Variants in MACROD2 observed in about 807,000 individuals in gnomAD.
MACROD2 encodes the protein mono-ADP ribosylhydrolase 2.
In MACROD2, 36 loss-of-function variants were observed where a neutral mutation model predicts 70.4. The ratio of observed to expected loss-of-function variants is 0.51; its 90% CI spans 0.39 to 0.68. The LOEUF (loss-of-function observed/expected upper bound fraction) is 0.68, where lower values mean the gene tolerates loss of function less well. Ranked by LOEUF, MACROD2 falls within the 30% of genes least tolerant of loss-of-function variation. The pLI, the probability that MACROD2 is intolerant of heterozygous loss-of-function variation, is 0.00. For missense variants in MACROD2, 496 were observed against 538.4 expected (o/e 0.92, Z 0.78); for synonymous variants, 172 against 178.8 (o/e 0.96, Z 0.30).
chr20:15,209,031 G>T (rs1366655994), intron 5 of MACROD2, among the ~76,000 whole-genome samples: 1 of 152,104 alleles, frequency 6.6e-6, no homozygotes, highest in African/African-American at 2.4e-5. Context: ...TGTCTGTGCT[G>T]TATGGTTGGA....
intron 5 of MACROD2, among the ~76,000 whole-genome samples, chr20:15,056,271 T>C (rs2075484911): frequency 6.6e-6 from 1 of 152,186 alleles, no homozygotes; most frequent in Admixed American, 6.5e-5. Flanking sequence ...AACCCAAAGA[T>C]AACTTCGCCT....
rs895583940 is a variant in MACROD2 at position 14,684,934 on chromosome 20, A to G, written c.393A>G (p.Thr131=). 6 of 1,613,954 alleles carry G rather than the reference A, an allele frequency of 3.7e-6. No individual in the cohort carries two copies. Among genetic ancestry groups the G allele is most frequent in the Non-Finnish European group, 4.2e-6 (5 of 1,179,870 alleles). ...NGCDTGHAKI[T]CGYDLPAKYV... ...GTGATACTGGACATGCAAAAATCAC[A>G]TGTGGCTATGACCTTCCTGCAAAAT... The change falls in exon 5 of 18, where the codon ACA becomes ACG. Residue 131 remains threonine, a synonymous_variant. Transcript: ENST00000684519.
intron 5 of MACROD2, among the ~76,000 whole-genome samples, chr20:14,856,991 GAA>G (rs1192298051): frequency 2.6e-5 from 4 of 151,936 alleles, no homozygotes; most frequent in African/African-American, 9.7e-5. Flanking sequence ...AATTACATAA[GAA>G]TATTAAATTT....
At chr20:15,099,468 G>T (rs114328860) in intron 5 of MACROD2, among the ~76,000 whole-genome samples, 1 of 152,288 alleles carries the variant, frequency 6.6e-6, no homozygotes, top group African/African-American at 2.4e-5. Context: ...AAGTCAGGAA[G>T]ACAGTCCTTG....
intron 5 of MACROD2, among the ~76,000 whole-genome samples, chr20:14,842,083 G>T (rs1323198715): frequency 1.3e-5 from 2 of 152,030 alleles, no homozygotes; most frequent in Non-Finnish European, 2.9e-5. Context: ...AAATTAAAGG[G>T]CTGCATCTGG....
chr20:14,985,845 G>A (rs867991640), intron 5 of MACROD2, among the ~76,000 whole-genome samples: 7 of 152,068 alleles, frequency 4.6e-5, no homozygotes, highest in African/African-American at 1.7e-4. Flanking sequence ...CACTAGGTTG[G>A]CCAGAATGGT....
intron 5 of MACROD2, among the ~76,000 whole-genome samples, chr20:14,816,645 T>G (rs930558608): frequency 4.6e-5 from 7 of 152,046 alleles, no homozygotes; most frequent in African/African-American, 1.2e-4. Flanking sequence ...AAGGACACAT[T>G]TAAGTGTTCC....
intron 7 of MACROD2, among the ~76,000 whole-genome samples, chr20:15,454,806 C>T (rs755623197): frequency 1.7e-5 from 1 of 58,626 alleles, no homozygotes; most frequent in Non-Finnish European, 3.6e-5. Flanking sequence ...GATGTCTCTG[C>T]GAAAGTGGGC....
intron 8 of MACROD2, among the ~76,000 whole-genome samples, chr20:15,583,943 G>A (rs180689893): frequency 1.8e-4 from 28 of 152,384 alleles, no homozygotes. Context: ...CCGGCCTGCT[G>A]TGGGTATTTT....
chr20:14,484,266 A>C (rs73094602), intron 3 of MACROD2, among the ~76,000 whole-genome samples: 1 of 152,212 alleles, frequency 6.6e-6, no homozygotes, highest in Non-Finnish European at 1.5e-5. Context: ...TTTTACCCAT[A>C]ATACTTTGGA....
chr20:15,301,677 C>A (rs2146127678), intron 6 of MACROD2, among the ~76,000 whole-genome samples: 1 of 143,360 alleles, frequency 7.0e-6, no homozygotes, highest in East Asian at 2.0e-4. Flanking sequence ...AGCAATCCTC[C>A]TGCCTCAGCC....
intron 3 of MACROD2, among the ~76,000 whole-genome samples, chr20:14,391,111 C>G (rs150213380): frequency 6.6e-6 from 1 of 152,290 alleles, no homozygotes; most frequent in East Asian, 1.9e-4. Flanking sequence ...AGCTAGCAAT[C>G]TCATTACTGG....
At chr20:14,004,107 A>G (rs2052777369) in intron 2 of MACROD2, among the ~76,000 whole-genome samples, 1 of 152,234 alleles carries the variant, frequency 6.6e-6, no homozygotes, top group Non-Finnish European at 1.5e-5. Flanking sequence ...CCTAATCCAA[A>G]ATCCAAAATG....
chr20:14,676,207 A>T (rs1217544209), intron 4 of MACROD2, among the ~76,000 whole-genome samples: 1 of 152,184 alleles, frequency 6.6e-6, no homozygotes, highest in Non-Finnish European at 1.5e-5. Context: ...CCTAATAGAC[A>T]TCTACAGAAC....
chr20:15,219,729 T>TA (rs2076841720), intron 5 of MACROD2, among the ~76,000 whole-genome samples: 1 of 152,102 alleles, frequency 6.6e-6, no homozygotes, highest in South Asian at 2.1e-4. Flanking sequence ...TCCGCTTTAT[T>TA]TTGGTGGAGA....
At chr20:14,092,431 C>G (rs2054163222) in intron 3 of MACROD2, among the ~76,000 whole-genome samples, 1 of 152,086 alleles carries the variant, frequency 6.6e-6, no homozygotes, top group South Asian at 2.1e-4. Context: ...CTGAAATATA[C>G]TACAGCCCAC....
At chr20:15,963,689 C>T (rs1490241433) in intron 12 of MACROD2, among the ~76,000 whole-genome samples, 1 of 152,182 alleles carries the variant, frequency 6.6e-6, no homozygotes, top group Non-Finnish European at 1.5e-5. Flanking sequence ...TAAATCCATA[C>T]ATGTAATATT....
intron 3 of MACROD2, among the ~76,000 whole-genome samples, chr20:14,220,438 C>A (rs1333850592): frequency 2.0e-5 from 3 of 152,176 alleles, no homozygotes; most frequent in Non-Finnish European, 4.4e-5. Context: ...GGCTTGAAAA[C>A]CTGCCCCAGG....
chr20:15,764,578 A>G (rs775037218), intron 8 of MACROD2, among the ~76,000 whole-genome samples: 16 of 151,966 alleles, frequency 1.1e-4, no homozygotes, highest in Non-Finnish European at 2.1e-4. Flanking sequence ...TCCACCTCCA[A>G]TCCATGTGCC....
Sources: allele counts gnomAD v4.1 joint callset (sites outside exome capture counted in the v4.1 genomes callset), GRCh38; gene constraint gnomAD v4.1.1; transcripts MANE v1.5; gene names NCBI Gene and HGNC (gene_info 2026-07-23, HGNC 2026-07-21).